GDE1: variants seen among roughly 807,000 people sequenced by gnomAD.
GDE1 encodes the protein RGS16-interacting membrane protein.
GDE1 carries 24 observed loss-of-function variants against 32.2 expected under a neutral mutation model. The ratio of observed to expected loss-of-function variants is 0.75; its 90% CI spans 0.54 to 1.05. The LOEUF (loss-of-function observed/expected upper bound fraction) is 1.05, where lower values mean the gene tolerates loss of function less well. GDE1 is among the 50% of genes least tolerant of loss of function. The pLI is 0.00. For missense variants in GDE1, 380 were observed against 415.0 expected (o/e 0.92, Z 0.73); for synonymous variants, 159 against 158.6 (o/e 1.00, Z -0.02).
chr16:19,506,505 A>G (rs918354854), intron 4 of GDE1, among the ~76,000 whole-genome samples: 2 of 152,166 alleles, frequency 1.3e-5, no homozygotes, highest in African/African-American at 4.8e-5. Flanking sequence ...AAAAAAAATT[A>G]GCCAGGCATG....
chr16:19,504,534 T>C, intron 5 of GDE1: 1 of 201,694 alleles, frequency 5.0e-6, no homozygotes. Flanking sequence ...GTGGGGAGGC[T>C]GGTGCCCACA....
intron 4 of GDE1, 159 bp from the exon 5 acceptor site, chr16:19,505,251 AAAT>A: frequency 1.7e-6 from 1 of 600,058 alleles, no homozygotes; most frequent in South Asian, 2.1e-5. Context: ...CCCTTTGAGA[AAAT>A]AATGTGAAGA....
At chr16:19,520,761 G>T (rs962614081) in intron 1 of GDE1, among the ~76,000 whole-genome samples, 1 of 150,510 alleles carries the variant, frequency 6.6e-6, no homozygotes, top group Non-Finnish European at 1.5e-5. Flanking sequence ...GAAGGAAGAA[G>T]AGAGAGAAAA....
intron 4 of GDE1, 147 bp downstream of exon 4, chr16:19,507,540 T>C: frequency 6.6e-6 from 4 of 604,122 alleles, no homozygotes; most frequent in East Asian, 5.6e-5. Context: ...CCTTCTGGAA[T>C]TTCTCTGGTT....
chr16:19,513,578 T>C (rs1480291752), intron 2 of GDE1, among the ~76,000 whole-genome samples: 1 of 152,212 alleles, frequency 6.6e-6, no homozygotes, highest in Non-Finnish European at 1.5e-5. Flanking sequence ...ACTTCCTCTT[T>C]TTCCAATTTG....
chr16:19,508,144 A>G (rs1969271837), intron 3 of GDE1, among the ~76,000 whole-genome samples: 1 of 151,978 alleles, frequency 6.6e-6, no homozygotes, highest in Non-Finnish European at 1.5e-5. Context: ...CAGCTCTATC[A>G]CTCTGTGCCT....
Position 19,501,985 on chromosome 16 carries a change from G to A in GDE1, c.*1485C>T, listed in dbSNP as rs1027529122. The A allele has an allele frequency of 6.6e-6, 1 of 152,240 alleles. No individual in the cohort carries two copies. Among genetic ancestry groups the A allele is most frequent in the Non-Finnish European group, 1.5e-5 (1 of 68,046 alleles). 9.4% of individuals were successfully genotyped at this position (152,240 alleles called of 1,614,324 possible). A position where few individuals can be genotyped will look rare whatever the true frequency, so the allele number is the denominator to read the frequency against. ...CACAGATGGGGTTGAAAGGTGAGAA[G>A]CGGTAAGCTAGAGGAGACAGACGGC... On this transcript the variant is annotated 3_prime_UTR_variant, in exon 6 of 6. Transcript: ENST00000353258.
Position 19,521,992 on chromosome 16 carries a change from A to C in GDE1, c.-28T>G. The C allele has an allele frequency of 6.6e-7, 1 of 1,516,504 alleles. No individual in the cohort carries two copies. Among genetic ancestry groups the C allele is most frequent in the Non-Finnish European group, 8.9e-7 (1 of 1,128,104 alleles). 93.9% of individuals were successfully genotyped at this position (1,516,504 alleles called of 1,614,324 possible). On this transcript the variant is annotated 5_prime_UTR_variant, in exon 1 of 6. Coordinates refer to ENST00000353258, the MANE Select transcript of GDE1 (RefSeq NM_016641.4). ...CGGCGCCCGCACCGGCACGGACGGG[A>C]GTCCCGGACCCGCCGGGCTCCTGGG...
chr16:19,516,901 G>C (rs1969386920), intron 2 of GDE1, 113 bp downstream of exon 2: 2 of 928,018 alleles, frequency 2.2e-6, no homozygotes, highest in Non-Finnish European at 3.4e-6. Flanking sequence ...CCTACGTACA[G>C]TTCAAAACAA....
intron 1 of GDE1, among the ~76,000 whole-genome samples, chr16:19,518,423 A>G (rs544830924): frequency 2.2e-4 from 33 of 152,318 alleles, no homozygotes; most frequent in African/African-American, 7.7e-4. Flanking sequence ...ACCCTGAAGC[A>G]GGTACTATTA....
At chr16:19,516,629 T>C (rs1374146677) in intron 2 of GDE1, among the ~76,000 whole-genome samples, 2 of 152,212 alleles carry the variant, frequency 1.3e-5, no homozygotes, top group African/African-American at 2.4e-5. Flanking sequence ...AAGTTTGTTA[T>C]GAGGATCAGA....
In GDE1 at chr16:19,505,043, C is replaced by CA; in HGVS notation, c.685dup (p.Trp229LeufsTer14). ...CCCATCTCCTGTATGGCTTAGGCTC[C>CA]AAGGTCTGTGAGTTAATGCTGTTAT... On this transcript the variant is annotated frameshift_variant, in exon 5 of 6. Transcript: ENST00000353258. LOFTEE classifies it high-confidence loss of function. The CA allele has an allele frequency of 1.2e-6, 2 of 1,613,298 alleles. No individual in the cohort carries two copies. Among genetic ancestry groups the CA allele is most frequent in the Non-Finnish European group, 1.7e-6 (2 of 1,179,238 alleles).
intron 2 of GDE1, among the ~76,000 whole-genome samples, chr16:19,513,977 G>A (rs1411520968): frequency 6.6e-6 from 1 of 152,160 alleles, no homozygotes; most frequent in Non-Finnish European, 1.5e-5. Context: ...GAAAACCCAA[G>A]ACTCGTAGAT....
rs1168330416 is a variant in GDE1, at chr16:19,517,152, A to G, written c.299T>C (p.Ile100Thr). The G allele has an allele frequency of 6.2e-7, 1 of 1,613,992 alleles. No individual in the cohort carries two copies. Among genetic ancestry groups the G allele is most frequent in the East Asian group, 2.2e-5 (1 of 44,882 alleles). ...AGGAATCCCGTCAGAAGTAAACTCA[A>G]TGTCCAACTCCACGCCTGTTGCTCC... ...KNGATGVELD[I>T]EFTSDGIPVL... The change falls in exon 2 of 6, where the codon ATT becomes ACT. Residue 100 changes from isoleucine to threonine, a missense_variant. Physicochemically the swap from Ile to Thr is moderately conservative, Grantham distance 89 (BLOSUM62 -1). Coordinates refer to ENST00000353258, the MANE Select transcript of GDE1 (RefSeq NM_016641.4).
rs749515587 is a variant in GDE1, at chr16:19,521,794, C to G, written c.171G>C (p.Gln57His). 4 of 1,611,598 alleles carry G rather than the reference C, an allele frequency of 2.5e-6. No homozygotes were observed. The Admixed American group carries it at 6.7e-5, about 27-fold the overall frequency. The change falls in exon 1 of 6, where the codon CAG becomes CAC. Residue 57 changes from glutamine to histidine, a missense_variant. Physicochemically the swap from Gln to His is conservative, Grantham distance 24. Transcript: ENST00000353258. ...AAATGCGGTCCCGGGGCTTGAGCAC[C>G]TGCAGGGCCCTGCAAGAGGGCACCG... ...FEPVPSCRAL[Q>H]VLKPRDRISA...
intron 2 of GDE1, among the ~76,000 whole-genome samples, chr16:19,516,710 G>A (rs1194667756): frequency 6.6e-6 from 1 of 152,174 alleles, no homozygotes; most frequent in Non-Finnish European, 1.5e-5. Flanking sequence ...TGTATAATTT[G>A]CTTCTTGGTA....
At position 19,504,875 on chromosome 16, in the gene GDE1, A is replaced by C; in HGVS notation, c.848+6T>G. 1 of 1,588,182 alleles carries C rather than the reference A, an allele frequency of 6.3e-7. No individual in the cohort carries two copies. Among genetic ancestry groups the C allele is most frequent in the Non-Finnish European group, 8.6e-7 (1 of 1,158,412 alleles). On this transcript the variant is annotated splice_donor_region_variant and intron_variant, in intron 5 of 5. Transcript: ENST00000353258. ...TCTGGGTAAAATAAAAAACCTTCCA[A>C]CTTACGGGGATACAAAATCCTTTTG...
rs1041582880 is a variant in GDE1, at chr16:19,503,410, T to G, written c.*60A>C. 3 of 1,472,736 alleles carry G rather than the reference T, an allele frequency of 2.0e-6. No homozygotes were observed. The highest frequency in any genetic ancestry group is 1.2e-5 in the South Asian group (1 of 85,904). 91.2% of individuals were successfully genotyped at this position (1,472,736 alleles called of 1,614,324 possible). ...GCCTGGGCTAGCACAAAGGGTATTT[T>G]GATATCCCTGTATGAGGCCCCTGGC... On this transcript the variant is annotated 3_prime_UTR_variant, in exon 6 of 6. Coordinates refer to ENST00000353258, the MANE Select transcript of GDE1 (RefSeq NM_016641.4).
At chr16:19,517,834 TGGCTTCCTC>T (rs1041715966) in intron 1 of GDE1, among the ~76,000 whole-genome samples, 3 of 152,190 alleles carry the variant, frequency 2.0e-5, no homozygotes, top group African/African-American at 7.2e-5. Flanking sequence ...TTTGCTTCCT[TGGCTTCCTC>T]ATCACAATAA....
Sources: allele counts gnomAD v4.1 joint callset (sites outside exome capture counted in the v4.1 genomes callset), GRCh38; gene constraint gnomAD v4.1.1; transcripts MANE v1.5; gene names NCBI Gene and HGNC (gene_info 2026-07-23, HGNC 2026-07-21).